Variants in BMAL2 observed in about 807,000 individuals in gnomAD.
BMAL2 encodes the protein basic helix-loop-helix ARNT-like protein 2.
the BMAL2 span, chr12:27,402,482 G>A: frequency 1.6e-6 from 1 of 628,916 alleles, no homozygotes; most frequent in Non-Finnish European, 2.7e-6. Flanking sequence ...ATTTCTGGTG[G>A]TGATACTAAC....
the BMAL2 span, among the ~76,000 whole-genome samples, chr12:27,386,380 A>G: frequency 6.6e-6 from 1 of 152,118 alleles, no homozygotes; most frequent in Non-Finnish European, 1.5e-5. Context: ...GACTCTTCCT[A>G]TGTGCCATAT....
the BMAL2 span, among the ~76,000 whole-genome samples, chr12:27,376,631 T>C: frequency 6.6e-6 from 1 of 152,178 alleles, no homozygotes; most frequent in Non-Finnish European, 1.5e-5. Context: ...AACCTATTAT[T>C]TTCTTCAAGC....
At chr12:27,364,534 C>T in the BMAL2 span, among the ~76,000 whole-genome samples, 2 of 152,054 alleles carry the variant, frequency 1.3e-5, no homozygotes, top group African/African-American at 2.4e-5. Flanking sequence ...TCTGTCTATC[C>T]TCATACCAGT....
the BMAL2 span, chr12:27,400,860 TC>T: frequency 4.6e-3 from 5,239 of 1,137,946 alleles, 58 homozygotes; most frequent in Middle Eastern, 6.5e-3. Flanking sequence ...TGCTAGTTTT[TC>T]TTTTTCTTTT....
At chr12:27,398,919 A>T in the BMAL2 span, among the ~76,000 whole-genome samples, 1 of 152,064 alleles carries the variant, frequency 6.6e-6, no homozygotes, top group Non-Finnish European at 1.5e-5. Context: ...TTTTATTCGT[A>T]CTTACTCAAT....
the BMAL2 span, among the ~76,000 whole-genome samples, chr12:27,374,201 T>C: frequency 3.7e-4 from 56 of 152,218 alleles, no homozygotes; most frequent in Middle Eastern, 3.4e-3. Context: ...AAGTAATGTA[T>C]ATATACATAC....
the BMAL2 span, among the ~76,000 whole-genome samples, chr12:27,350,994 C>CCCCCCCTTT: frequency 3.2e-5 from 3 of 94,272 alleles, no homozygotes; most frequent in African/African-American, 8.7e-5. Context: ...CCCACCCCCC[C>CCCCCCCTTT]TTTTTTTTTT....
At chr12:27,370,505 C>G in the BMAL2 span, among the ~76,000 whole-genome samples, 1 of 152,186 alleles carries the variant, frequency 6.6e-6, no homozygotes, top group African/African-American at 2.4e-5. Flanking sequence ...ACTCACATAG[C>G]CTCAGAGTGC....
chr12:27,367,590 A>G, the BMAL2 span, among the ~76,000 whole-genome samples: 1 of 151,680 alleles, frequency 6.6e-6, no homozygotes, highest in Non-Finnish European at 1.5e-5. Flanking sequence ...CTTCCTTTCT[A>G]TTTTTCTGTG....
chr12:27,346,150 A>G, the BMAL2 span, among the ~76,000 whole-genome samples: 1 of 152,000 alleles, frequency 6.6e-6, no homozygotes, highest in Admixed American at 6.6e-5. Flanking sequence ...ACTCATACTA[A>G]TTTCCCTCCC....
the BMAL2 span, among the ~76,000 whole-genome samples, chr12:27,375,263 C>A: frequency 6.6e-6 from 1 of 152,014 alleles, no homozygotes; most frequent in South Asian, 2.1e-4. Context: ...GCACACACCA[C>A]AATATTATTA....
chr12:27,361,388 A>G, the BMAL2 span, among the ~76,000 whole-genome samples: 4 of 152,340 alleles, frequency 2.6e-5, no homozygotes, highest in South Asian at 4.1e-4. Context: ...AAGTAAAATC[A>G]CAAACTTTCT....
chr12:27,376,312 A>G, the BMAL2 span: 5 of 1,575,606 alleles, frequency 3.2e-6, no homozygotes, highest in Middle Eastern at 1.7e-4. Context: ...AAGGTACTTC[A>G]TGTAGTTTGA....
At chr12:27,341,339 T>A in the BMAL2 span, among the ~76,000 whole-genome samples, 1 of 152,232 alleles carries the variant, frequency 6.6e-6, no homozygotes, top group Non-Finnish European at 1.5e-5. Flanking sequence ...TGTTGAATTT[T>A]ATCAAAAACC....
chr12:27,398,424 TC>T, the BMAL2 span, among the ~76,000 whole-genome samples: 1 of 152,168 alleles, frequency 6.6e-6, no homozygotes, highest in Non-Finnish European at 1.5e-5. Flanking sequence ...TCCTCATGAC[TC>T]CAATATTTAG....
the BMAL2 span, among the ~76,000 whole-genome samples, chr12:27,359,653 G>A: frequency 2.6e-5 from 4 of 152,092 alleles, no homozygotes; most frequent in African/African-American, 9.7e-5. Flanking sequence ...CTGCACTCCA[G>A]TATGGGCAAC....
chr12:27,413,167 G>T, the BMAL2 span, among the ~76,000 whole-genome samples: 1 of 152,224 alleles, frequency 6.6e-6, no homozygotes, highest in Non-Finnish European at 1.5e-5. Context: ...AACTGAAAGG[G>T]TGCCAATTAA....
the BMAL2 span, among the ~76,000 whole-genome samples, chr12:27,409,279 A>G: frequency 6.6e-6 from 1 of 152,322 alleles, no homozygotes; most frequent in East Asian, 1.9e-4. Context: ...AAGAGCCCAC[A>G]TTGCCAAGTC....
At chr12:27,377,542 G>A in the BMAL2 span, 2 of 152,210 alleles carry the variant, frequency 1.3e-5, no homozygotes, top group African/African-American at 4.8e-5. Context: ...ACTGTTAGAA[G>A]AGATGATCCT....
Sources: allele counts gnomAD v4.1 joint callset (sites outside exome capture counted in the v4.1 genomes callset), GRCh38; gene constraint gnomAD v4.1.1; transcripts MANE v1.5; gene names NCBI Gene and HGNC (gene_info 2026-07-23, HGNC 2026-07-21).